LMNA: variants seen among roughly 807,000 people sequenced by gnomAD.
The protein encoded by LMNA is lamin A/C.
LMNA carries 20 observed loss-of-function variants against 70.4 expected under a neutral mutation model. That is an observed-to-expected ratio of 0.28 (90% CI 0.20 to 0.41). The LOEUF is 0.41. Ranked by LOEUF, LMNA falls within the 10% of genes least tolerant of loss-of-function variation. The pLI, the probability that LMNA is intolerant of heterozygous loss-of-function variation, is 1.00. For synonymous variants in LMNA, 339 were observed against 372.8 expected (o/e 0.91, Z 1.04); for missense variants, 652 against 917.2 (o/e 0.71, Z 3.73).
At chr1:156,083,580 A>T (rs1648356962) in intron 2 of LMNA, 1 of 152,288 alleles carries the variant, frequency 6.6e-6, no homozygotes, top group African/African-American at 2.4e-5. Context: ...AGGCGGGTGG[A>T]TCACCTGAGG....
intron 1 of LMNA, chr1:156,123,500 G>A: frequency 6.6e-6 from 1 of 152,244 alleles, no homozygotes; most frequent in Non-Finnish European, 1.5e-5. Flanking sequence ...TTAAGGGGCT[G>A]CTGAATTGGC....
chr1:156,119,733 C>G (rs369624577), intron 1 of LMNA, among the ~76,000 whole-genome samples: 6 of 152,204 alleles, frequency 3.9e-5, no homozygotes, highest in Non-Finnish European at 7.4e-5. Flanking sequence ...ATGCTGCCCC[C>G]CTCCCTCCCA....
chr1:156,114,142 C>G (rs1190404532), upstream of LMNA, among the ~76,000 whole-genome samples: 3 of 152,152 alleles, frequency 2.0e-5, no homozygotes, highest in African/African-American at 4.8e-5. Flanking sequence ...TTTGCTCCCC[C>G]CAGGGAACCC....
intron 3 of LMNA, among the ~76,000 whole-genome samples, chr1:156,096,807 C>CG (rs1159928644): frequency 2.6e-5 from 4 of 152,236 alleles, no homozygotes; most frequent in African/African-American, 7.2e-5. Context: ...CAGGGCCTGT[C>CG]GGTCTCTCCC....
intron 1 of LMNA, among the ~76,000 whole-genome samples, chr1:156,122,942 C>G (rs1231421086): frequency 1.3e-5 from 2 of 152,138 alleles, no homozygotes; most frequent in Non-Finnish European, 2.9e-5. Context: ...CCTGCCTCCC[C>G]CAAGTTGTGA....
At chr1:156,130,535 C>A (rs1650957535) in intron 1 of LMNA, 82 bp from the exon 2 acceptor site, 4 of 1,453,852 alleles carry the variant, frequency 2.8e-6, no homozygotes, top group Non-Finnish European at 3.9e-6. Context: ...CGCCAGCCCC[C>A]ATGGCTGACC....
In LMNA at chr1:156,134,592, A is replaced by G; in HGVS notation, c.639+64A>G. 1.2e-6 allele frequency: 2 copies of G among 1,606,734 alleles called. No homozygotes were observed. Among genetic ancestry groups the G allele is most frequent in the Admixed American group, 1.7e-5 (1 of 59,970 alleles). On this transcript the variant is annotated intron_variant, in intron 3 of 11. Transcript: ENST00000368300. This position sits in a 1 kb window ranked among gnomAD's most constrained non-coding sequence, Gnocchi z 5.3. ...GGTGATGACAGACTTGGGCTGGGCT[A>G]GGGGGGACCAGCTGTGTGCAGAGCT...
At chr1:156,097,195 C>T (rs1040476226) in intron 3 of LMNA, among the ~76,000 whole-genome samples, 2 of 152,124 alleles carry the variant, frequency 1.3e-5, no homozygotes, top group Non-Finnish European at 2.9e-5. Flanking sequence ...AGGGGAGGCC[C>T]GGTTTCCATG....
At position 156,134,570 on chromosome 1, in the gene LMNA, GAT is replaced by G. The variant is rs748676590; in HGVS notation, c.639+43_639+44del. 9.9e-6 allele frequency: 16 copies of G among 1,612,624 alleles called. No homozygotes were observed. The highest frequency in any genetic ancestry group is 1.4e-5 in the Non-Finnish European group (16 of 1,179,820). On this transcript the variant is annotated intron_variant, in intron 3 of 11. Coordinates refer to ENST00000368300, the MANE Select transcript of LMNA (RefSeq NM_170707.4). This position sits in a 1 kb window ranked among gnomAD's most constrained non-coding sequence, Gnocchi z 5.3. The stretch of plus-strand genomic sequence containing the variant: ...GCAAGCCAGAGGGCTGGGGCTGGGT[GAT>G]GACAGACTTGGGCTGGGCTAGGGGG...
intron 2 of LMNA, among the ~76,000 whole-genome samples, chr1:156,084,987 G>T (rs1426181443): frequency 6.6e-6 from 1 of 152,212 alleles, no homozygotes; most frequent in Admixed American, 6.5e-5. Flanking sequence ...CTGAAAGGTG[G>T]GGTGGGCGAG....
intron 1 of LMNA, among the ~76,000 whole-genome samples, chr1:156,121,210 G>A (rs960117375): frequency 4.0e-5 from 6 of 151,564 alleles, no homozygotes; most frequent in Non-Finnish European, 7.4e-5. Context: ...CCACATGCTC[G>A]GCTAATTTTT....
At chr1:156,084,328 C>CGGGGGGGGGGGGGGGG (rs60777722) in intron 2 of LMNA, among the ~76,000 whole-genome samples, 2 of 91,050 alleles carry the variant, frequency 2.2e-5, no homozygotes, top group African/African-American at 7.6e-5. Context: ...CTCAGAAGGT[C>CGGGGGGGGGGGGGGGG]GGGGGGTGGT....
At chr1:156,096,536 C>T (rs867588899) in intron 3 of LMNA, among the ~76,000 whole-genome samples, 2 of 152,358 alleles carry the variant, frequency 1.3e-5, no homozygotes, top group East Asian at 1.9e-4. Flanking sequence ...GCCACACAAC[C>T]GCAGACCGGG....
intron 3 of LMNA, among the ~76,000 whole-genome samples, chr1:156,107,021 G>A (rs1649375033): frequency 6.6e-6 from 1 of 152,036 alleles, no homozygotes; most frequent in South Asian, 2.1e-4. Context: ...CAGAAACCTG[G>A]GGTTTGGGCC....
chr1:156,086,537 G>C (rs1337443504), intron 2 of LMNA, among the ~76,000 whole-genome samples: 2 of 152,218 alleles, frequency 1.3e-5, no homozygotes, highest in Non-Finnish European at 2.9e-5. Flanking sequence ...GGCAGGAAAG[G>C]TGACACAGTG....
At chr1:156,107,726 A>G (rs1422784620) in intron 3 of LMNA, among the ~76,000 whole-genome samples, 3 of 152,078 alleles carry the variant, frequency 2.0e-5, no homozygotes, top group Non-Finnish European at 4.4e-5. Flanking sequence ...CCCCTTGCTG[A>G]GCCTGAGAAG....
Position 156,136,899 on chromosome 1 carries a change from C to G in LMNA, c.1381-22C>G. 6.2e-7 allele frequency: 1 copy of G among 1,607,296 alleles called. No individual in the cohort carries two copies. Among genetic ancestry groups the G allele is most frequent in the Non-Finnish European group, 8.5e-7 (1 of 1,175,738 alleles). On this transcript the variant is annotated intron_variant, in intron 7 of 11. Coordinates refer to ENST00000368300, the MANE Select transcript of LMNA (RefSeq NM_170707.4). The surrounding 1 kb of genome is among the most constrained non-coding windows in gnomAD (Gnocchi z 6.1). Reference sequence around the variant, plus strand: ...GCCTGGGTGAGCCTCCCCGACCTTCCTCTTCCCTATCTTCCCGGCAGGACC... The same window carrying G: ...GCCTGGGTGAGCCTCCCCGACCTTCGTCTTCCCTATCTTCCCGGCAGGACC...
intron 3 of LMNA, among the ~76,000 whole-genome samples, chr1:156,107,573 C>T (rs2102806500): frequency 6.6e-6 from 1 of 152,298 alleles, no homozygotes; most frequent in Non-Finnish European, 1.5e-5. Context: ...GAAGCTCTGC[C>T]TCTGTCATTT....
At chr1:156,097,959 G>A (rs1649002214) in intron 3 of LMNA, among the ~76,000 whole-genome samples, 1 of 152,180 alleles carries the variant, frequency 6.6e-6, no homozygotes, top group African/African-American at 2.4e-5. Context: ...GTGCGTGTGT[G>A]TGTGTGTGTG....
Sources: gnomAD v4.1 joint callset for allele counts (sites outside exome capture counted in the v4.1 genomes callset) on GRCh38, gnomAD v4.1.1 for gene constraint, Gnocchi (gnomAD v3.1) non-coding constraint, MANE v1.5 for transcripts, NCBI Gene and HGNC (gene_info 2026-07-23, HGNC 2026-07-21) for gene names.